The following EDEM3 variants were observed in gnomAD, a reference collection of about 807,000 sequenced individuals.
The protein encoded by EDEM3 is ER degradation enhancing alpha-mannosidase like protein 3.
In EDEM3, 60 loss-of-function variants were observed where a neutral mutation model predicts 110.2. The ratio of observed to expected loss-of-function variants is 0.54; its 90% CI spans 0.44 to 0.67. The LOEUF is 0.67. EDEM3 is among the 30% of genes least tolerant of loss of function. The pLI is 0.00. For missense variants in EDEM3, 996 were observed against 1,121.0 expected, an observed-to-expected ratio of 0.89 and a Z score of 1.59; for synonymous variants, 352 against 382.9, an observed-to-expected ratio of 0.92 and a Z score of 0.94.
rs149220710 is a variant in EDEM3, at chr1:184,750,616, G to A, written c.159-1024C>T. ...CAACCTTCACCTCCCAGGTTCAAGC[G>A]ATTCTCCTGCCTCAGCCTCCCGAGT... On this transcript the variant is annotated intron_variant, in intron 1 of 19. Transcript: ENST00000318130. 2.9e-3 allele frequency among the ~76,000 whole-genome samples: 435 copies of A among 151,260 alleles called. 5 individuals are homozygous for A. In the East Asian group the frequency reaches 0.036, roughly 12 times the overall value.
At chr1:184,741,454 A>G (rs12133128) in intron 2 of EDEM3, among the ~76,000 whole-genome samples, 46,127 of 152,082 alleles carry the variant, frequency 0.3, 8,584 homozygotes, top group East Asian at 0.55. Flanking sequence ...TTAAATTTCA[A>G]TGTTTCTAAT....
At chr1:184,747,723 T>G (rs1384947878) in intron 2 of EDEM3, among the ~76,000 whole-genome samples, 2 of 152,228 alleles carry the variant, frequency 1.3e-5, no homozygotes, top group Non-Finnish European at 2.9e-5. Flanking sequence ...AGTTACTCAG[T>G]TAGGTCCCAA....
intron 2 of EDEM3, among the ~76,000 whole-genome samples, chr1:184,742,238 C>A (rs1652184690): frequency 6.6e-6 from 1 of 152,136 alleles, no homozygotes; most frequent in Non-Finnish European, 1.5e-5. Flanking sequence ...ACCTTTCAGA[C>A]ATTTAGAAAA....
At chr1:184,748,422 C>T (rs1652559754) in intron 2 of EDEM3, among the ~76,000 whole-genome samples, 1 of 150,928 alleles carries the variant, frequency 6.6e-6, no homozygotes, top group African/African-American at 2.4e-5. Context: ...ACTCCACAGC[C>T]TGGGCGACAG....
intron 13 of EDEM3, 92 bp from the exon 14 acceptor site, chr1:184,712,690 G>A (rs567400928): frequency 4.2e-5 from 35 of 833,970 alleles, no homozygotes; most frequent in South Asian, 6.2e-5. Flanking sequence ...TAATAATCCT[G>A]TCTATACCAA....
chr1:184,698,909 A>T (rs993707949), intron 19 of EDEM3, among the ~76,000 whole-genome samples: 1 of 151,922 alleles, frequency 6.6e-6, no homozygotes, highest in Admixed American at 6.6e-5. Flanking sequence ...CAGGAAAGTA[A>T]AAATGGCAGT....
rs1198145678 is a variant in EDEM3 at position 184,711,824 on chromosome 1, A to T, written c.1590T>A (p.Asn530Lys). 1 of 1,613,500 alleles carries T rather than the reference A, an allele frequency of 6.2e-7. No homozygotes were observed. The highest frequency in any genetic ancestry group is 8.5e-7 in the Non-Finnish European group (1 of 1,179,602). ...DDSNFDWTCP[N>K]TQILFPNDPL... ...GGTCATTAGGAAAGAGGATCTGAGT[A>T]TTTGGACAAGTCCAATCGAAGTTAC... Residue 530 changes from asparagine (N) to lysine (K), a missense_variant, in exon 15 of 20, where the codon AAT (asparagine) becomes AAA (lysine). Transcript: ENST00000318130.
At chr1:184,724,158 C>T (rs576580972) in intron 7 of EDEM3, among the ~76,000 whole-genome samples, 1 of 152,042 alleles carries the variant, frequency 6.6e-6, no homozygotes, top group African/African-American at 2.4e-5. Flanking sequence ...TCTTGTAGCA[C>T]AAGTTCATAT....
intron 6 of EDEM3, among the ~76,000 whole-genome samples, chr1:184,727,456 G>A (rs947162249): frequency 1.3e-5 from 2 of 151,976 alleles, no homozygotes; most frequent in African/African-American, 4.8e-5. Context: ...AACATCACGG[G>A]TATACTCTTG....
rs560548037 is a variant in EDEM3, at chr1:184,691,676, C to T, written c.*2387G>A. On this transcript the variant is annotated 3_prime_UTR_variant, in exon 20 of 20. Transcript: ENST00000318130. ...GAATTTTTAATGAACTCAAAAACTACTTTGTGGCAGTATGTCAAGTAAGTA... is the reference window on the plus strand; with the variant it reads ...GAATTTTTAATGAACTCAAAAACTATTTTGTGGCAGTATGTCAAGTAAGTA... 37 of 150,198 alleles carry T rather than the reference C, an allele frequency of 2.5e-4. No homozygotes were observed. The South Asian group carries it at 4.6e-3, about 19-fold the overall frequency. The allele number at this position is 150,198 out of a possible 1,614,324, so 9.3% of individuals were successfully genotyped here.
In EDEM3 at chr1:184,690,876, C is replaced by G. The variant is rs1232153540; in HGVS notation, c.*3187G>C. On this transcript the variant is annotated 3_prime_UTR_variant, in exon 20 of 20. Transcript: ENST00000318130. ...TGGAATATTTACTAAATTCTACCCC[C>G]CTCTAAAATTATAAGCAGTATTTGA... 1 of 152,318 alleles carries G rather than the reference C, an allele frequency of 6.6e-6. No homozygotes were observed. The highest frequency in any genetic ancestry group is 2.4e-5 in the African/African-American group (1 of 41,376). The allele number at this position is 152,318 out of a possible 1,614,324, so 9.4% of individuals were successfully genotyped here.
At chr1:184,702,287 T>C (rs12089563) in intron 19 of EDEM3, among the ~76,000 whole-genome samples, 201 of 152,312 alleles carry the variant, frequency 1.3e-3, no homozygotes, top group African/African-American at 4.7e-3. Context: ...AAACAGCCAT[T>C]TGTAACTCTT....
intron 18 of EDEM3, among the ~76,000 whole-genome samples, chr1:184,705,105 T>C (rs977765073): frequency 2.6e-5 from 4 of 152,000 alleles, no homozygotes; most frequent in Admixed American, 6.6e-5. Flanking sequence ...AATTATTGCA[T>C]ACTATAGAAG....
chr1:184,694,582 C>A (rs2102050911), intron 19 of EDEM3, 110 bp from the exon 20 acceptor site: 1 of 1,072,788 alleles, frequency 9.3e-7, no homozygotes, highest in South Asian at 1.8e-5. Flanking sequence ...GTGAAAGAGA[C>A]TCATGTTAAT....
At chr1:184,717,099 T>A in intron 12 of EDEM3, 87 bp from the exon 13 acceptor site, 1 of 1,135,304 alleles carries the variant, frequency 8.8e-7, no homozygotes, top group Non-Finnish European at 1.2e-6. Context: ...ATTGAGTACC[T>A]ACTAGGTGCC....
At chr1:184,737,368 TAA>T (rs1651887316) in intron 3 of EDEM3, among the ~76,000 whole-genome samples, 1 of 152,206 alleles carries the variant, frequency 6.6e-6, no homozygotes, top group South Asian at 2.1e-4. Flanking sequence ...AAAAGTTACA[TAA>T]AAGTTACATA....
At chr1:184,702,238 C>A (rs531102576) in intron 19 of EDEM3, among the ~76,000 whole-genome samples, 1 of 152,266 alleles carries the variant, frequency 6.6e-6, no homozygotes, top group South Asian at 2.1e-4. Flanking sequence ...AGAGGACTAT[C>A]TACTCTCATA....
At chr1:184,711,987 CGT>C in intron 14 of EDEM3, 110 bp from the exon 15 acceptor site, 8 of 786,576 alleles carry the variant, frequency 1.0e-5, no homozygotes, top group South Asian at 4.2e-5. Context: ...AGTGCAGTGG[CGT>C]AATCTCTGCT....
intron 5 of EDEM3, 125 bp downstream of exon 5, chr1:184,734,406 C>A (rs532870917): frequency 3.5e-6 from 1 of 283,268 alleles, no homozygotes; most frequent in East Asian, 9.0e-5. Context: ...GAGGCGGAGG[C>A]TGCAGTAAGC....
Sources: allele counts gnomAD v4.1 joint callset (sites outside exome capture counted in the v4.1 genomes callset), GRCh38; gene constraint gnomAD v4.1.1; transcripts MANE v1.5; gene names NCBI Gene and HGNC (gene_info 2026-07-23, HGNC 2026-07-21).